The following CDH12 variants were observed in gnomAD, a reference collection of about 807,000 sequenced individuals.
CDH12 encodes the protein cadherin 12.
In CDH12, 41 loss-of-function variants were observed where a neutral mutation model predicts 74.1. That is an observed-to-expected ratio of 0.55 (90% CI 0.43 to 0.72). CDH12 has a LOEUF of 0.72. CDH12 is among the 30% of genes least tolerant of loss of function. The probability of loss-of-function intolerance (pLI) is 0.00; values close to 1 mark genes in which losing one functional copy is unlikely to be tolerated. For synonymous variants in CDH12, 399 were observed against 355.0 expected, an observed-to-expected ratio of 1.12 and a Z score of -1.39; for missense variants, 945 against 977.2, an observed-to-expected ratio of 0.97 and a Z score of 0.44.
At chr5:22,110,513 T>C (rs1744747027) in intron 4 of CDH12, among the ~76,000 whole-genome samples, 1 of 152,034 alleles carries the variant, frequency 6.6e-6, no homozygotes, top group South Asian at 2.1e-4. Context: ...CACTTCTGAT[T>C]GGAAGACAGT....
intron 5 of CDH12, among the ~76,000 whole-genome samples, chr5:22,027,774 T>C (rs1322613537): frequency 6.6e-6 from 1 of 152,094 alleles, no homozygotes; most frequent in Non-Finnish European, 1.5e-5. Flanking sequence ...AGCTCCTGGA[T>C]TCGTTAATTT....
intron 3 of CDH12, among the ~76,000 whole-genome samples, chr5:22,340,674 G>A (rs1234963815): frequency 1.3e-5 from 2 of 152,002 alleles, no homozygotes; most frequent in Non-Finnish European, 2.9e-5. Flanking sequence ...ATTACAAGCT[G>A]TTTTGAGAAG....
At chr5:22,600,040 A>G (rs1736783627) in intron 1 of CDH12, among the ~76,000 whole-genome samples, 1 of 152,110 alleles carries the variant, frequency 6.6e-6, no homozygotes, top group South Asian at 2.1e-4. Context: ...TCAATGGGGA[A>G]AAAAAGACAT....
rs749624222 is a variant in CDH12, at chr5:21,752,187, G to C, written c.1935C>G (p.Thr645=). The C allele has an allele frequency of 1.2e-6, 2 of 1,613,694 alleles. No individual in the cohort carries two copies. The highest frequency in any genetic ancestry group is 8.5e-7 in the Non-Finnish European group (1 of 1,179,810). ...VALRRQKKKD[T]LMTSKEDIRD... is the part of the protein sequence containing the mutation. ...TGATGTCTTCTTTAGAGGTCATCAG[G>C]GTGTCTTTTTTCTTCTGCCTTCGCA... The change falls in exon 15 of 15, where the codon ACC becomes ACG. Residue 645 remains threonine, a synonymous_variant. Coordinates refer to ENST00000382254, the MANE Select transcript of CDH12 (RefSeq NM_004061.5).
chr5:22,142,729 A>T, intron 4 of CDH12: 1 of 312,096 alleles, frequency 3.2e-6, no homozygotes, highest in Non-Finnish European at 6.3e-6. Context: ...AGAAGTGTTT[A>T]ATTAGTTCTT....
At chr5:22,223,257 C>T (rs926505179) in intron 3 of CDH12, among the ~76,000 whole-genome samples, 9 of 151,970 alleles carry the variant, frequency 5.9e-5, no homozygotes, top group African/African-American at 1.9e-4. Flanking sequence ...ATGAATGACT[C>T]ATGGACGCAA....
intron 9 of CDH12, among the ~76,000 whole-genome samples, chr5:21,812,035 TAGAC>T (rs1226486162): frequency 6.6e-6 from 1 of 152,060 alleles, no homozygotes; most frequent in Admixed American, 6.6e-5. Flanking sequence ...ATACAGGAAA[TAGAC>T]AGAGGAGAAA....
At chr5:22,676,410 C>A (rs970711327) in intron 1 of CDH12, among the ~76,000 whole-genome samples, 3 of 152,096 alleles carry the variant, frequency 2.0e-5, no homozygotes, top group African/African-American at 7.2e-5. Context: ...TTTTTGATTG[C>A]CTTTTATGTG....
chr5:22,828,508 G>C (rs1261712024), intron 1 of CDH12, among the ~76,000 whole-genome samples: 1 of 152,150 alleles, frequency 6.6e-6, no homozygotes, highest in Admixed American at 6.5e-5. Flanking sequence ...GAAGTAGGAA[G>C]GGATAGTTAA....
At chr5:21,937,600 T>C (rs1460090247) in intron 6 of CDH12, among the ~76,000 whole-genome samples, 1 of 152,162 alleles carries the variant, frequency 6.6e-6, no homozygotes, top group East Asian at 1.9e-4. Context: ...AATCATGTAT[T>C]AGGTGTCAAC....
At chr5:22,562,789 GA>G (rs1739116307) in intron 1 of CDH12, among the ~76,000 whole-genome samples, 1 of 150,670 alleles carries the variant, frequency 6.6e-6, no homozygotes, top group African/African-American at 2.4e-5. Context: ...ACAGAACATA[GA>G]AGATAATTAT....
chr5:22,018,231 T>A (rs1160256734), intron 5 of CDH12, among the ~76,000 whole-genome samples: 1 of 152,140 alleles, frequency 6.6e-6, no homozygotes, highest in Non-Finnish European at 1.5e-5. Flanking sequence ...TGTCTCAATT[T>A]CCCTCTCTAT....
chr5:22,535,041 C>T (rs1414516747), intron 1 of CDH12, among the ~76,000 whole-genome samples: 2 of 148,794 alleles, frequency 1.3e-5, no homozygotes, highest in Non-Finnish European at 1.5e-5. Context: ...GGCCCGTCTC[C>T]GCTCACTGCA....
At chr5:22,616,339 A>G (rs1737687414) in intron 1 of CDH12, among the ~76,000 whole-genome samples, 1 of 152,130 alleles carries the variant, frequency 6.6e-6, no homozygotes, top group Non-Finnish European at 1.5e-5. Flanking sequence ...GAAAATTAGT[A>G]TTAAGTGCTA....
At chr5:22,704,146 T>C (rs1166323623) in intron 1 of CDH12, among the ~76,000 whole-genome samples, 2 of 152,138 alleles carry the variant, frequency 1.3e-5, no homozygotes, top group African/African-American at 2.4e-5. Context: ...GACAATTAAA[T>C]TGTAAAAGTT....
chr5:21,991,605 A>G (rs1757758532), intron 5 of CDH12, among the ~76,000 whole-genome samples: 1 of 150,156 alleles, frequency 6.7e-6, no homozygotes, highest in African/African-American at 2.4e-5. Context: ...AATGCTCATA[A>G]GAACACAATC....
At chr5:22,735,150 G>A (rs559014979) in intron 1 of CDH12, among the ~76,000 whole-genome samples, 1 of 151,988 alleles carries the variant, frequency 6.6e-6, no homozygotes, top group South Asian at 2.1e-4. Flanking sequence ...TATCAAAGAT[G>A]TTACTGCCAC....
chr5:22,716,657 G>A (rs1184247866), intron 1 of CDH12, among the ~76,000 whole-genome samples: 1 of 151,686 alleles, frequency 6.6e-6, no homozygotes. Context: ...AGGTCCTTCG[G>A]GAGGTATCCA....
chr5:22,252,583 C>A (rs1753172547), intron 3 of CDH12, among the ~76,000 whole-genome samples: 1 of 151,958 alleles, frequency 6.6e-6, no homozygotes, highest in Non-Finnish European at 1.5e-5. Flanking sequence ...AGCCTATATC[C>A]AAATCACCAA....
Sources: allele counts gnomAD v4.1 joint callset (sites outside exome capture counted in the v4.1 genomes callset), GRCh38; gene constraint gnomAD v4.1.1; transcripts MANE v1.5; gene names NCBI Gene and HGNC (gene_info 2026-07-23, HGNC 2026-07-21).